Variants in MTUS2 observed in about 807,000 individuals in gnomAD.
MTUS2 encodes the protein microtubule-associated tumor suppressor candidate 2.
A neutral mutation model predicts 114.1 loss-of-function variants in MTUS2; 40 were observed. The ratio of observed to expected loss-of-function variants is 0.35; its 90% CI spans 0.27 to 0.46. The LOEUF (loss-of-function observed/expected upper bound fraction) is 0.46, where lower values mean the gene tolerates loss of function less well. Among genes scored for constraint, MTUS2 ranks in the 20% least tolerant of loss-of-function variants. The pLI, the probability that MTUS2 is intolerant of heterozygous loss-of-function variation, is 1.00. For missense variants in MTUS2, 1,679 were observed against 1,705.4 expected, an observed-to-expected ratio of 0.98 and a Z score of 0.27; for synonymous variants, 688 against 672.0, an observed-to-expected ratio of 1.02 and a Z score of -0.37.
rs1045730287 is a variant in MTUS2, at chr13:29,496,657, G to A, written c.3580-581G>A. ...GGTAATTCAGAGAAAAAGAGGAACC[G>A]TGCCAGGAAGGAGCCGGCAGAGTGG... On this transcript the variant is annotated intron_variant, in intron 12 of 15. Coordinates refer to ENST00000612955, the MANE Select transcript of MTUS2 (RefSeq NM_001033602.4). This position sits in a 1 kb window ranked among gnomAD's most constrained non-coding sequence, Gnocchi z 4.3. 6.6e-6 allele frequency among the ~76,000 whole-genome samples: 1 copy of A among 152,252 alleles called. No homozygotes were observed. The highest frequency in any genetic ancestry group is 2.1e-4 in the South Asian group (1 of 4,822).
chr13:28,904,285 T>C (rs1347731263), intron 2 of MTUS2, among the ~76,000 whole-genome samples: 8 of 152,224 alleles, frequency 5.3e-5, no homozygotes. Context: ...TTTGTCAATT[T>C]TGTTGCCCTT....
At chr13:29,218,057 CA>C (rs1485779564) in intron 5 of MTUS2, among the ~76,000 whole-genome samples, 14 of 151,928 alleles carry the variant, frequency 9.2e-5, no homozygotes, top group African/African-American at 3.1e-4. Context: ...GTCATGGCTG[CA>C]GTGAGTTATG....
rs980133160 is a variant in MTUS2 at position 29,084,533 on chromosome 13, C to G, written c.2447-16240C>G. 1.0e-4 allele frequency among the ~76,000 whole-genome samples: 15 copies of G among 149,120 alleles called. No homozygotes were observed. The South Asian group carries it at 1.4e-3, about 14-fold the overall frequency. ...CTTTCCCCTCCCCTCCCCTCTCCCC[C>G]CCTTCTTTTCTTCTTTCCTTTTTTG... On this transcript the variant is annotated intron_variant, in intron 4 of 15. Transcript: ENST00000612955.
chr13:28,855,011 C>T (rs1239718306), intron 2 of MTUS2, among the ~76,000 whole-genome samples: 3 of 152,250 alleles, frequency 2.0e-5, no homozygotes, highest in East Asian at 1.9e-4. Flanking sequence ...CTTGGTGTTT[C>T]TCCGAGGTTC....
At chr13:28,881,129 CT>C (rs1250567231) in intron 2 of MTUS2, among the ~76,000 whole-genome samples, 1 of 152,176 alleles carries the variant, frequency 6.6e-6, no homozygotes, top group East Asian at 1.9e-4. Flanking sequence ...CTCACTGCCC[CT>C]GCCTCAACTT....
intron 5 of MTUS2, among the ~76,000 whole-genome samples, chr13:29,104,073 T>C (rs1043318105): frequency 3.3e-5 from 5 of 152,274 alleles, no homozygotes; most frequent in Admixed American, 3.3e-4. Context: ...GGGTCTCAGC[T>C]GTTCCACATA....
chr13:28,960,181 TACC>T (rs1883258372), intron 2 of MTUS2, among the ~76,000 whole-genome samples: 1 of 152,116 alleles, frequency 6.6e-6, no homozygotes, highest in Non-Finnish European at 1.5e-5. Flanking sequence ...CACAATTAAA[TACC>T]ACATCACACC....
rs182520582 is a variant in MTUS2, at chr13:29,254,812, A to G, written c.2645-26892A>G. ...TTACATCCACCTCACCTCTTCCTGC[A>G]GTTTTTCATCTTTTTGTACTCTTGA... On this transcript the variant is annotated intron_variant, in intron 5 of 15. Coordinates refer to ENST00000612955, the MANE Select transcript of MTUS2 (RefSeq NM_001033602.4). Among the ~76,000 whole-genome samples, 122 of 152,342 alleles carry G rather than the reference A, an allele frequency of 8.0e-4. 2 individuals carry two copies. Among genetic ancestry groups the G allele is most frequent in the Admixed American group, 2.3e-3 (35 of 15,302 alleles).
intron 5 of MTUS2, among the ~76,000 whole-genome samples, chr13:29,215,482 T>G (rs1370847498): frequency 6.6e-6 from 1 of 150,700 alleles, no homozygotes; most frequent in African/African-American, 2.5e-5. Flanking sequence ...CTGTTTTTTT[T>G]TTTTTTTTTT....
intron 2 of MTUS2, among the ~76,000 whole-genome samples, chr13:28,876,152 T>G (rs1877915954): frequency 6.6e-6 from 1 of 152,238 alleles, no homozygotes; most frequent in Non-Finnish European, 1.5e-5. Flanking sequence ...GTGCACAATT[T>G]CCTTATGGAT....
At chr13:28,888,419 CTTTTTTT>C (rs11447851) in intron 2 of MTUS2, among the ~76,000 whole-genome samples, 1 of 135,794 alleles carries the variant, frequency 7.4e-6, no homozygotes, top group East Asian at 2.1e-4. Flanking sequence ...CTCTTGGCAT[CTTTTTTT>C]TTTTTTTTTT....
At chr13:29,273,075 T>G (rs1897936429) in intron 5 of MTUS2, among the ~76,000 whole-genome samples, 1 of 152,166 alleles carries the variant, frequency 6.6e-6, no homozygotes, top group African/African-American at 2.4e-5. Context: ...CATAGCCCAA[T>G]CACCTTTAAG....
intron 9 of MTUS2, among the ~76,000 whole-genome samples, chr13:29,448,067 A>G (rs1458364880): frequency 2.0e-5 from 3 of 152,158 alleles, no homozygotes; most frequent in African/African-American, 4.8e-5. Flanking sequence ...CATCAGGTAG[A>G]TGTTTAAGGT....
Position 28,927,322 on chromosome 13 carries a change from C to G in MTUS2, c.-243+87472C>G, listed in dbSNP as rs141834250. On this transcript the variant is annotated intron_variant, in intron 2 of 15. Coordinates refer to ENST00000612955, the MANE Select transcript of MTUS2 (RefSeq NM_001033602.4). ...CTTTGGGGGTTTGAGGTGGAAGAAT[C>G]ATTTGAGGTTGAAGGATCATTTGAG... is the stretch of plus-strand genomic sequence containing the variant. 6.2e-3 allele frequency among the ~76,000 whole-genome samples: 950 copies of G among 152,040 alleles called. 11 individuals are homozygous for G. Among genetic ancestry groups the G allele is most frequent in the African/African-American group, 0.022 (907 of 41,462 alleles).
chr13:28,989,735 G>A (rs1884741697), intron 2 of MTUS2, among the ~76,000 whole-genome samples: 1 of 152,152 alleles, frequency 6.6e-6, no homozygotes. Context: ...GGTGAACAGG[G>A]AAGCACATGC....
chr13:29,154,252 C>A (rs1309680217), intron 5 of MTUS2, among the ~76,000 whole-genome samples: 2 of 152,166 alleles, frequency 1.3e-5, no homozygotes, highest in African/African-American at 2.4e-5. Context: ...TCTGGATTTT[C>A]ATCATGAACT....
intron 2 of MTUS2, among the ~76,000 whole-genome samples, chr13:28,880,016 A>G (rs1167610157): frequency 6.6e-6 from 1 of 152,212 alleles, no homozygotes; most frequent in Non-Finnish European, 1.5e-5. Flanking sequence ...GAGAGAAGAC[A>G]AGAGATTCAG....
In MTUS2 at chr13:29,049,566, G is replaced by A. The variant is rs1887795479; in HGVS notation, c.2446+15441G>A. On this transcript the variant is annotated intron_variant, in intron 4 of 15. Transcript: ENST00000612955. ...AAAACCCCTTAAGGTTTTCTCTTGA[G>A]ATGATTTTAAGAGAGTGGACCTAAG... Among the ~76,000 whole-genome samples the A allele has an allele frequency of 4.6e-5, 7 of 152,168 alleles. No homozygotes were observed. In the South Asian group the frequency reaches 1.4e-3, roughly 32 times the overall value.
chr13:28,997,668 C>T (rs1288624216), intron 2 of MTUS2, among the ~76,000 whole-genome samples: 2 of 151,996 alleles, frequency 1.3e-5, no homozygotes, highest in Non-Finnish European at 1.5e-5. Flanking sequence ...CTCTTTTGAT[C>T]TTTGTTGGTT....
Sources: gnomAD v4.1 joint callset for allele counts (sites outside exome capture counted in the v4.1 genomes callset) on GRCh38, gnomAD v4.1.1 for gene constraint, Gnocchi (gnomAD v3.1) non-coding constraint, MANE v1.5 for transcripts, NCBI Gene and HGNC (gene_info 2026-07-23, HGNC 2026-07-21) for gene names.